NRXN1: variants seen among roughly 807,000 people sequenced by gnomAD.
The protein encoded by NRXN1 is neurexin-1.
In NRXN1, 39 loss-of-function variants were observed where a neutral mutation model predicts 150.9. The ratio of observed to expected loss-of-function variants is 0.26; its 90% confidence interval spans 0.20 to 0.34. The LOEUF (loss-of-function observed/expected upper bound fraction) is 0.34. Ranked by LOEUF, NRXN1 falls within the 10% of genes least tolerant of loss-of-function variation. The probability of loss-of-function intolerance (pLI) is 1.00; values close to 1 mark genes in which losing one functional copy is unlikely to be tolerated. For missense variants in NRXN1, 1,815 were observed against 1,949.9 expected, an observed-to-expected ratio of 0.93 and a Z score of 1.30; for synonymous variants, 924 against 757.0, an observed-to-expected ratio of 1.22 and a Z score of -3.62.
intron 22 of NRXN1, among the ~76,000 whole-genome samples, chr2:49,931,417 A>G (rs1234484136): frequency 6.6e-6 from 1 of 152,116 alleles, no homozygotes; most frequent in Non-Finnish European, 1.5e-5. Context: ...TAAGCTATTT[A>G]AAGTTAACTG....
chr2:50,712,929 C>G (rs966224974), intron 5 of NRXN1, among the ~76,000 whole-genome samples: 7 of 152,150 alleles, frequency 4.6e-5, no homozygotes, highest in Non-Finnish European at 8.8e-5. Context: ...AACATTTTAT[C>G]TGATGGAAAT....
At chr2:50,729,769 C>A (rs74955152) in intron 5 of NRXN1, among the ~76,000 whole-genome samples, 18,876 of 152,058 alleles carry the variant, frequency 0.12, 1,681 homozygotes, top group East Asian at 0.3. Context: ...TTGCATTCTC[C>A]CTGACATCTC....
rs116280086 is a variant in NRXN1, at chr2:50,017,596, T to C, written c.4128+35675A>G. 6.4e-3 allele frequency among the ~76,000 whole-genome samples: 967 copies of C among 151,820 alleles called. 7 individuals are homozygous for C. The highest frequency in any genetic ancestry group is 0.022 in the African/African-American group (901 of 41,434). Reference sequence around the variant, plus strand: ...AAGAACAGCTCAATGAATTCTGGCTTACTTAAAAAGAAGTTTTCAGTGGAG... The same window carrying C: ...AAGAACAGCTCAATGAATTCTGGCTCACTTAAAAAGAAGTTTTCAGTGGAG... On this transcript the variant is annotated intron_variant, in intron 21 of 22. Coordinates refer to ENST00000401669, the MANE Select transcript of NRXN1 (RefSeq NM_001330078.2).
chr2:50,398,024 G>A (rs1004950478), intron 17 of NRXN1, among the ~76,000 whole-genome samples: 1 of 152,062 alleles, frequency 6.6e-6, no homozygotes, highest in Non-Finnish European at 1.5e-5. Context: ...CATTAGAAAG[G>A]AAGAATGTTG....
chr2:50,728,574 T>C (rs1208847861), intron 5 of NRXN1, among the ~76,000 whole-genome samples: 1 of 152,198 alleles, frequency 6.6e-6, no homozygotes, highest in Non-Finnish European at 1.5e-5. Context: ...TTTGGTTTGA[T>C]TATGTTTTTC....
chr2:50,941,946 C>G lies in NRXN1; in HGVS notation c.773-15991G>C, dbSNP rs1689517929. 2.0e-5 allele frequency among the ~76,000 whole-genome samples: 3 copies of G among 152,180 alleles called. No homozygotes were observed. In the South Asian group the frequency reaches 6.2e-4, roughly 32 times the overall value. ...CATTTAGTATATCTTTGGGTAGCCC[C>G]TCCCATCAGAGGCCTTGAGGCCTGG... On this transcript the variant is annotated intron_variant, in intron 2 of 22. Coordinates refer to ENST00000401669, the MANE Select transcript of NRXN1 (RefSeq NM_001330078.2).
intron 18 of NRXN1, among the ~76,000 whole-genome samples, chr2:50,169,295 A>G (rs2059872860): frequency 6.6e-6 from 1 of 152,210 alleles, no homozygotes; most frequent in South Asian, 2.1e-4. Flanking sequence ...TATTGTAGCT[A>G]TTGTGTAAAG....
intron 2 of NRXN1, among the ~76,000 whole-genome samples, chr2:51,006,343 A>C (rs1700717289): frequency 6.6e-6 from 1 of 151,152 alleles, no homozygotes. Context: ...GGAATTGAAC[A>C]ATGAGAACAC....
chr2:50,828,531 C>T (rs190601874), intron 5 of NRXN1, among the ~76,000 whole-genome samples: 12,437 of 148,528 alleles, frequency 0.084, 533 homozygotes, highest in Admixed American at 0.087. Context: ...TGGGCAGAGA[C>T]GCTCCTCACC....
At chr2:50,139,279 T>C (rs957721535) in intron 18 of NRXN1, among the ~76,000 whole-genome samples, 4 of 148,038 alleles carry the variant, frequency 2.7e-5, no homozygotes, top group Non-Finnish European at 5.9e-5. Flanking sequence ...TGATCTGAGA[T>C]TGTGCCACTG....
intron 5 of NRXN1, among the ~76,000 whole-genome samples, chr2:50,709,262 G>C (rs1046025509): frequency 1.3e-5 from 2 of 152,150 alleles, no homozygotes; most frequent in Non-Finnish European, 2.9e-5. Context: ...GCTAGGTACT[G>C]AGATGAAACC....
chr2:50,206,517 C>T (rs1289314853), intron 18 of NRXN1, among the ~76,000 whole-genome samples: 2 of 151,918 alleles, frequency 1.3e-5, no homozygotes, highest in African/African-American at 2.4e-5. Context: ...TAATTCCATT[C>T]CCCACTTGAT....
chr2:50,243,632 A>T (rs2066235520), intron 17 of NRXN1, among the ~76,000 whole-genome samples: 1 of 151,838 alleles, frequency 6.6e-6, no homozygotes, highest in Non-Finnish European at 1.5e-5. Flanking sequence ...TTAATCCAAA[A>T]GATTCTTGAA....
At position 50,553,881 on chromosome 2, in the gene NRXN1, G is replaced by T. The variant is rs563023029; in HGVS notation, c.1321-856C>A. On this transcript the variant is annotated intron_variant, in intron 8 of 22. Coordinates refer to ENST00000401669, the MANE Select transcript of NRXN1 (RefSeq NM_001330078.2). ...AACACATTTGATAATTCACTGACAG[G>T]GTTCACGGTATCATACATTTGCTAT... Among the ~76,000 whole-genome samples, 3 of 152,218 alleles carry T rather than the reference G, an allele frequency of 2.0e-5. No individual in the cohort carries two copies. In the South Asian group the frequency reaches 6.2e-4, roughly 32 times the overall value.
At chr2:49,924,767 T>A (rs570436211) in intron 22 of NRXN1, among the ~76,000 whole-genome samples, 1 of 152,296 alleles carries the variant, frequency 6.6e-6, no homozygotes, top group East Asian at 1.9e-4. Context: ...AAATATAACC[T>A]AGAAAATCTC....
chr2:50,153,941 C>A (rs2058854570), intron 18 of NRXN1, among the ~76,000 whole-genome samples: 1 of 151,690 alleles, frequency 6.6e-6, no homozygotes, highest in Non-Finnish European at 1.5e-5. Flanking sequence ...AAGCTGCATG[C>A]AAGCCTAACA....
chr2:49,990,189 T>A (rs1024889803), intron 21 of NRXN1, among the ~76,000 whole-genome samples: 1 of 151,968 alleles, frequency 6.6e-6, no homozygotes, highest in Non-Finnish European at 1.5e-5. Context: ...GCTGTTAGAT[T>A]TGAACAATCA....
At chr2:50,577,207 G>C (rs983864110) in intron 8 of NRXN1, among the ~76,000 whole-genome samples, 4 of 151,886 alleles carry the variant, frequency 2.6e-5, no homozygotes, top group African/African-American at 9.7e-5. Flanking sequence ...AACTATTATG[G>C]GGACGTAAAA....
chr2:50,408,713 C>T (rs1417530951), intron 17 of NRXN1, among the ~76,000 whole-genome samples: 2 of 152,080 alleles, frequency 1.3e-5, no homozygotes, highest in Non-Finnish European at 2.9e-5. Context: ...AATTTACATT[C>T]TACACCTGAC....
Sources: gnomAD v4.1 joint callset for allele counts (sites outside exome capture counted in the v4.1 genomes callset) on GRCh38, gnomAD v4.1.1 for gene constraint, MANE v1.5 for transcripts, NCBI Gene and HGNC (gene_info 2026-07-23, HGNC 2026-07-21) for gene names.